Variants in PIEZO2 observed in about 807,000 individuals in gnomAD.
The protein encoded by PIEZO2 is piezo-type mechanosensitive ion channel component 2.
A neutral mutation model predicts 337.3 loss-of-function variants in PIEZO2; 172 were observed. The ratio of observed to expected loss-of-function variants is 0.51; its 90% CI spans 0.45 to 0.58. PIEZO2 has a LOEUF of 0.58. Among genes scored for constraint, PIEZO2 ranks in the 20% least tolerant of loss-of-function variants. The pLI is 0.00. For missense variants in PIEZO2, 3,028 were observed against 3,391.3 expected (o/e 0.89, Z 2.66); for synonymous variants, 1,251 against 1,228.5 (o/e 1.02, Z -0.38).
chr18:10,712,641 T>C (rs1173860926), intron 39 of PIEZO2, among the ~76,000 whole-genome samples: 3 of 152,250 alleles, frequency 2.0e-5, no homozygotes, highest in Non-Finnish European at 2.9e-5. Context: ...AGTGACGCTC[T>C]GGTAACACTC....
At chr18:10,790,744 C>T (rs904880736) in intron 14 of PIEZO2, among the ~76,000 whole-genome samples, 15 of 144,460 alleles carry the variant, frequency 1.0e-4, no homozygotes, top group African/African-American at 3.8e-4. Context: ...CTCGCTCTGT[C>T]GCCCAGGCTG....
At chr18:10,769,258 T>C (rs2038493928) in intron 21 of PIEZO2, among the ~76,000 whole-genome samples, 1 of 152,226 alleles carries the variant, frequency 6.6e-6, no homozygotes, top group Non-Finnish European at 1.5e-5. Context: ...CCGCTGCCAT[T>C]TCCCCACGAA....
intron 49 of PIEZO2, among the ~76,000 whole-genome samples, chr18:10,689,343 C>T (rs1413338689): frequency 1.3e-5 from 2 of 152,222 alleles, no homozygotes; most frequent in African/African-American, 2.4e-5. Flanking sequence ...TTCTCTATAA[C>T]ATCACATTCC....
At chr18:10,737,714 T>C (rs2037063459) in intron 33 of PIEZO2, 1 of 152,234 alleles carries the variant, frequency 6.6e-6, no homozygotes, top group Non-Finnish European at 1.5e-5. Flanking sequence ...GATCATTATT[T>C]AAAGTCTACC....
At chr18:10,939,785 G>C (rs986839621) in intron 3 of PIEZO2, among the ~76,000 whole-genome samples, 1 of 152,132 alleles carries the variant, frequency 6.6e-6, no homozygotes, top group African/African-American at 2.4e-5. Context: ...GAGGCAAGGG[G>C]AGGGATAGCA....
chr18:10,807,007 T>C, intron 8 of PIEZO2, 105 bp downstream of exon 8: 2 of 1,165,010 alleles, frequency 1.7e-6, no homozygotes, highest in South Asian at 3.3e-5. Flanking sequence ...AGAGTTGTGT[T>C]GGAATAGAGT....
Position 10,979,413 on chromosome 18 carries a change from C to T in PIEZO2, c.286+122G>A. Reference sequence around the variant, plus strand: ...CTGCATTGCCAAAGACCAAAAATTTCCATGAATTTTATAATTTAATTATTG... The same window carrying T: ...CTGCATTGCCAAAGACCAAAAATTTTCATGAATTTTATAATTTAATTATTG... On this transcript the variant is annotated intron_variant, in intron 3 of 55. Transcript: ENST00000674853. This position sits in a 1 kb window ranked among gnomAD's most constrained non-coding sequence, Gnocchi z 4.0. The T allele has an allele frequency of 8.8e-7, 1 of 1,137,210 alleles. No individual in the cohort carries two copies. Among genetic ancestry groups the T allele is most frequent in the Non-Finnish European group, 1.1e-6 (1 of 875,374 alleles). The allele number at this position is 1,137,210 out of a possible 1,614,324, so 70.4% of individuals were successfully genotyped here. A position where few individuals can be genotyped will look rare whatever the true frequency, so the allele number is the denominator to read the frequency against.
At chr18:10,922,824 AACT>A (rs2145146420) in intron 3 of PIEZO2, among the ~76,000 whole-genome samples, 1 of 152,294 alleles carries the variant, frequency 6.6e-6, no homozygotes, top group Admixed American at 6.5e-5. Flanking sequence ...CTTTTCAAAG[AACT>A]ATAACATACA....
In PIEZO2 at chr18:11,112,236, T is replaced by C. The variant is rs1259199312; in HGVS notation, c.64+36289A>G. 6.6e-6 allele frequency among the ~76,000 whole-genome samples: 1 copy of C among 152,236 alleles called. No homozygotes were observed. The highest frequency in any genetic ancestry group is 1.5e-5 in the Non-Finnish European group (1 of 68,040). ...TCAGATATTCGGATATTTGTAAAGA[T>C]AACGGTGACTTTTCAAGTTCTGAAT... On this transcript the variant is annotated intron_variant, in intron 1 of 55. Coordinates refer to ENST00000674853, the MANE Select transcript of PIEZO2 (RefSeq NM_001378183.1). The surrounding 1 kb of genome is among the most constrained non-coding windows in gnomAD (Gnocchi z 4.3).
intron 1 of PIEZO2, among the ~76,000 whole-genome samples, chr18:11,090,761 A>C (rs974670293): frequency 4.0e-5 from 6 of 151,792 alleles, no homozygotes; most frequent in Non-Finnish European, 2.9e-5. Flanking sequence ...AAACACAAAA[A>C]ACTAGCTGGG....
intron 7 of PIEZO2, among the ~76,000 whole-genome samples, chr18:10,810,045 G>C (rs1311089773): frequency 1.3e-5 from 2 of 152,130 alleles, no homozygotes; most frequent in African/African-American, 2.4e-5. Context: ...AACATCTTCT[G>C]TTTATCTTTG....
intron 2 of PIEZO2, among the ~76,000 whole-genome samples, chr18:11,058,618 T>C (rs562795072): frequency 1.3e-5 from 2 of 152,276 alleles, no homozygotes; most frequent in South Asian, 2.1e-4. Flanking sequence ...AGGAGAACTA[T>C]GTGATGAATG....
At chr18:10,731,215 A>G (rs866647931) in intron 36 of PIEZO2, among the ~76,000 whole-genome samples, 192 bp downstream of exon 36, 45 of 128,700 alleles carry the variant, frequency 3.5e-4, no homozygotes, top group African/African-American at 1.2e-3. Flanking sequence ...ATATATATAT[A>G]TATCTCCTAA....
intron 36 of PIEZO2, among the ~76,000 whole-genome samples, chr18:10,730,509 T>C (rs1291343580): frequency 6.6e-6 from 1 of 152,286 alleles, no homozygotes; most frequent in African/African-American, 2.4e-5. Context: ...CAATAAAATA[T>C]TGCTCCTGAG....
At chr18:10,965,025 T>G (rs1449550631) in intron 3 of PIEZO2, among the ~76,000 whole-genome samples, 2 of 152,246 alleles carry the variant, frequency 1.3e-5, no homozygotes, top group African/African-American at 2.4e-5. Context: ...ATTTCTAATC[T>G]ATTTTTTCTA....
In PIEZO2 at chr18:10,682,065, G is replaced by A; in HGVS notation, c.7686+39C>T. On this transcript the variant is annotated intron_variant, in intron 50 of 55. Coordinates refer to ENST00000674853, the MANE Select transcript of PIEZO2 (RefSeq NM_001378183.1). The surrounding 1 kb of genome is among the most constrained non-coding windows in gnomAD (Gnocchi z 5.6). ...AGCTATCATAAAGGAATGTGGCGTG[G>A]GGCAAGGCTCTGGTAGGTGGGGTGT... 6.7e-7 allele frequency: 1 copy of A among 1,500,492 alleles called. No homozygotes were observed. Among genetic ancestry groups the A allele is most frequent in the Non-Finnish European group, 8.9e-7 (1 of 1,123,090 alleles). 92.9% of individuals were successfully genotyped at this position (1,500,492 alleles called of 1,614,324 possible). A position where few individuals can be genotyped will look rare whatever the true frequency, so the allele number is the denominator to read the frequency against.
rs1003228364 is a variant in PIEZO2, at chr18:10,677,431, T to G, written c.8081+316A>C. ...CAGGGTTTCACCATGTTGGTCAGGC[T>G]GGTCTTGAACTCCCGACCTCAGGGG... On this transcript the variant is annotated intron_variant, in intron 53 of 55. Coordinates refer to ENST00000674853, the MANE Select transcript of PIEZO2 (RefSeq NM_001378183.1). This position sits in a 1 kb window ranked among gnomAD's most constrained non-coding sequence, Gnocchi z 4.1. The G allele has an allele frequency of 3.9e-5, 10 of 257,672 alleles. No individual in the cohort carries two copies. The highest frequency in any genetic ancestry group is 3.8e-4 in the Admixed American group (7 of 18,378). 16.0% of individuals were successfully genotyped at this position (257,672 alleles called of 1,614,324 possible).
rs750484388 is a variant in PIEZO2, at chr18:10,763,078, T to C, written c.2967A>G (p.Val989=). The change falls in exon 22 of 56, where the codon GTA becomes GTG. Residue 989 remains valine (V), a synonymous_variant. Transcript: ENST00000674853. ...GAGCAAAAGCCCAAGAAATCAAAAATACATAGTTGAACAGAGACACCTGAA... is the reference window on the plus strand; with the variant it reads ...GAGCAAAAGCCCAAGAAATCAAAAACACATAGTTGAACAGAGACACCTGAA... The part of the protein sequence containing the change: ...SVKEVSLFNY[V]FLISWAFALP... 3.9e-6 allele frequency: 6 copies of C among 1,537,028 alleles called. No homozygotes were observed. In the African/African-American group the frequency reaches 6.8e-5, roughly 18 times the overall value.
In PIEZO2 at chr18:10,726,680, A is replaced by C. The variant is rs549848643; in HGVS notation, c.5029+4727T>G. The C allele has an allele frequency of 1.1e-4, 161 of 1,425,918 alleles. No homozygotes were observed. The highest frequency in any genetic ancestry group is 1.5e-4 in the Non-Finnish European group (152 of 1,033,482). 88.3% of individuals were successfully genotyped at this position (1,425,918 alleles called of 1,614,324 possible). ...CAGACAGACACCTCGCTGCCAAGTT[A>C]ATTCAGCAAGGACCAGGTGTACCTG... On this transcript the variant is annotated intron_variant, in intron 36 of 55. Coordinates refer to ENST00000674853, the MANE Select transcript of PIEZO2 (RefSeq NM_001378183.1). The surrounding 1 kb of genome is among the most constrained non-coding windows in gnomAD (Gnocchi z 5.9).
Sources: gnomAD v4.1 joint callset for allele counts (sites outside exome capture counted in the v4.1 genomes callset) on GRCh38, gnomAD v4.1.1 for gene constraint, Gnocchi (gnomAD v3.1) non-coding constraint, MANE v1.5 for transcripts, NCBI Gene and HGNC (gene_info 2026-07-23, HGNC 2026-07-21) for gene names.